The following SPAG6 variants were observed in gnomAD, a reference collection of about 807,000 sequenced individuals.
SPAG6 encodes the protein sperm-associated antigen 6.
SPAG6 carries 49 observed loss-of-function variants against 58.5 expected under a neutral mutation model. The observed-to-expected ratio is 0.84, with a 90% CI of 0.67 to 1.06. SPAG6 has a LOEUF of 1.06. Ranked by LOEUF, SPAG6 falls within the 50% of genes least tolerant of loss-of-function variation. The probability of loss-of-function intolerance (pLI) is 0.00; values close to 1 mark genes in which losing one functional copy is unlikely to be tolerated. For synonymous variants in SPAG6, 233 were observed against 225.6 expected, an observed-to-expected ratio of 1.03 and a Z score of -0.29; for missense variants, 560 against 611.3, an observed-to-expected ratio of 0.92 and a Z score of 0.89.
intron 8 of SPAG6, among the ~76,000 whole-genome samples, chr10:22,399,055 G>A (rs1834355795): frequency 6.6e-6 from 1 of 152,138 alleles, no homozygotes; most frequent in Non-Finnish European, 1.5e-5. Flanking sequence ...CTGACCTCAG[G>A]TGATCCATCT....
chr10:22,351,959 T>G (rs1371067462), intron 2 of SPAG6, among the ~76,000 whole-genome samples: 1 of 151,918 alleles, frequency 6.6e-6, no homozygotes, highest in East Asian at 1.9e-4. Flanking sequence ...AATCACGAGG[T>G]CAGGAGATTG....
At chr10:22,396,899 G>A (rs1023926661) in intron 8 of SPAG6, among the ~76,000 whole-genome samples, 16 of 152,174 alleles carry the variant, frequency 1.1e-4, no homozygotes, top group South Asian at 2.1e-4. Flanking sequence ...CTCTGACATC[G>A]TCATATATTG....
intron 9 of SPAG6, among the ~76,000 whole-genome samples, chr10:22,407,756 C>A (rs1834596758): frequency 1.3e-5 from 2 of 152,124 alleles, no homozygotes; most frequent in South Asian, 2.1e-4. Flanking sequence ...TCCATTCTCC[C>A]CGTCACTTTC....
chr10:22,401,151 G>C lies in SPAG6; in HGVS notation c.1198-10G>C. On this transcript the variant is annotated splice_polypyrimidine_tract_variant and intron_variant, in intron 8 of 10. Transcript: ENST00000376624. ...CTTACTTATGTATACATTCTGCTTT[G>C]TATTTCTAGAGTAAAAAAGCCATAA... The C allele has an allele frequency of 7.7e-7, 1 of 1,303,030 alleles. No homozygotes were observed. Among genetic ancestry groups the C allele is most frequent in the Non-Finnish European group, 1.1e-6 (1 of 897,594 alleles). 80.7% of individuals were successfully genotyped at this position (1,303,030 alleles called of 1,614,324 possible). A position where few individuals can be genotyped will look rare whatever the true frequency, so the allele number is the denominator to read the frequency against.
At chr10:22,377,988 G>A (rs1033230478) in intron 4 of SPAG6, among the ~76,000 whole-genome samples, 2 of 146,492 alleles carry the variant, frequency 1.4e-5, no homozygotes, top group Non-Finnish European at 1.5e-5. Context: ...AATTATTTTT[G>A]TATATTAATT....
At chr10:22,387,365 T>G (rs1184556729) in intron 5 of SPAG6, among the ~76,000 whole-genome samples, 1 of 152,214 alleles carries the variant, frequency 6.6e-6, no homozygotes. Flanking sequence ...CCAATTATAC[T>G]TTTATATTCT....
intron 3 of SPAG6, among the ~76,000 whole-genome samples, chr10:22,365,841 T>C (rs1837183383): frequency 6.6e-6 from 1 of 152,014 alleles, no homozygotes; most frequent in African/African-American, 2.4e-5. Flanking sequence ...CATTAAGAAA[T>C]GCAAATCAAA....
intron 9 of SPAG6, 92 bp downstream of exon 9, chr10:22,401,369 C>A: frequency 1.4e-6 from 1 of 702,088 alleles, no homozygotes; most frequent in Non-Finnish European, 2.5e-6. Flanking sequence ...TTTTCTGTAA[C>A]ACGGGGTCAT....
intron 3 of SPAG6, among the ~76,000 whole-genome samples, chr10:22,366,648 C>G (rs1162588940): frequency 6.6e-6 from 1 of 152,116 alleles, no homozygotes; most frequent in Non-Finnish European, 1.5e-5. Context: ...GAGTCACTTA[C>G]TAATGCTTGT....
intron 2 of SPAG6, among the ~76,000 whole-genome samples, chr10:22,359,844 G>T (rs1836985156): frequency 6.6e-6 from 1 of 152,108 alleles, no homozygotes; most frequent in Admixed American, 6.6e-5. Context: ...GAGTTCAGGG[G>T]TACATGTGCA....
At chr10:22,380,102 T>C (rs1833914569) in intron 4 of SPAG6, among the ~76,000 whole-genome samples, 1 of 152,098 alleles carries the variant, frequency 6.6e-6, no homozygotes, top group South Asian at 2.1e-4. Flanking sequence ...CCAACAGATT[T>C]CTTTTACTTT....
rs535816893 is a variant in SPAG6, at chr10:22,364,995, T to G, written c.264T>G (p.Leu88=). 1.4e-5 allele frequency: 23 copies of G among 1,606,716 alleles called. No individual in the cohort carries two copies. The East Asian group carries it at 5.1e-4, about 36-fold the overall frequency. ...TGAAGTGCGACATTCTTCCACAGCT[T>G]GTTTATTCATTGGCAGAACAGAATG... ...AVVKCDILPQ[L]VYSLAEQNRF... The change falls in exon 3 of 11, where the codon CTT becomes CTG. Residue 88 remains leucine, a synonymous_variant. Coordinates refer to ENST00000376624, the MANE Select transcript of SPAG6 (RefSeq NM_012443.4).
At chr10:22,411,429 G>A in intron 10 of SPAG6, 1 of 323,794 alleles carries the variant, frequency 3.1e-6, no homozygotes, top group Non-Finnish European at 5.6e-6. Flanking sequence ...CTTTACTAAA[G>A]AGTACCCAAA....
intron 7 of SPAG6, among the ~76,000 whole-genome samples, chr10:22,391,053 C>CT (rs753859818): frequency 6.6e-6 from 1 of 152,094 alleles, no homozygotes; most frequent in Non-Finnish European, 1.5e-5. Flanking sequence ...ATTTGAGGCT[C>CT]TTTAGTTTAT....
chr10:22,403,463 C>T (rs1431053301), intron 9 of SPAG6, among the ~76,000 whole-genome samples: 1 of 152,200 alleles, frequency 6.6e-6, no homozygotes, highest in Non-Finnish European at 1.5e-5. Context: ...AGGATGTGAA[C>T]TCATCATTTT....
chr10:22,365,417 T>C (rs1276770503), intron 3 of SPAG6, among the ~76,000 whole-genome samples: 1 of 152,042 alleles, frequency 6.6e-6, no homozygotes, highest in East Asian at 1.9e-4. Flanking sequence ...AGGCAAGGGG[T>C]AGAGAAGCAA....
chr10:22,401,009 T>C, intron 8 of SPAG6, 152 bp from the exon 9 acceptor site: 2 of 576,454 alleles, frequency 3.5e-6, no homozygotes, highest in Non-Finnish European at 6.1e-6. Flanking sequence ...AAGCAGGAGT[T>C]TTTTTTGGAC....
At chr10:22,389,072 A>T in intron 6 of SPAG6, 88 bp from the exon 7 acceptor site, 1 of 1,059,172 alleles carries the variant, frequency 9.4e-7, no homozygotes, top group Non-Finnish European at 1.3e-6. Context: ...AGTTGTTTTT[A>T]GGTTCTAAAT....
rs148757539 is a variant in SPAG6 at position 22,410,247 on chromosome 10, G to A, written c.1315-784G>A. Among the ~76,000 whole-genome samples, 767 of 152,212 alleles carry A rather than the reference G, an allele frequency of 5.0e-3. 6 individuals are homozygous for A. Among genetic ancestry groups the A allele is most frequent in the Non-Finnish European group, 5.6e-3 (383 of 68,024 alleles). ...TTTGTTAAACATTTGTTGAACCTCT[G>A]TTAGGTACCAGGCACGAGGGAAATG... is the stretch of plus-strand genomic sequence containing the variant. On this transcript the variant is annotated intron_variant, in intron 9 of 10. Transcript: ENST00000376624.
Sources: gnomAD v4.1 joint callset for allele counts (sites outside exome capture counted in the v4.1 genomes callset) on GRCh38, gnomAD v4.1.1 for gene constraint, MANE v1.5 for transcripts, NCBI Gene and HGNC (gene_info 2026-07-23, HGNC 2026-07-21) for gene names.